Variants in VPS54 observed in about 807,000 individuals in gnomAD.
VPS54 encodes the protein VPS54 subunit of GARP complex.
A neutral mutation model predicts 121.5 loss-of-function variants in VPS54; 45 were observed. That is an observed-to-expected ratio of 0.37 (90% CI 0.29 to 0.47). VPS54 has a LOEUF of 0.47. VPS54 is among the 20% of genes least tolerant of loss of function. VPS54 has a pLI of 0.99. For missense variants in VPS54, 1,090 were observed against 1,131.4 expected (o/e 0.96, Z 0.52); for synonymous variants, 371 against 385.8 (o/e 0.96, Z 0.45).
intron 9 of VPS54, among the ~76,000 whole-genome samples, chr2:63,945,782 C>T (rs1674951871): frequency 6.6e-6 from 1 of 152,048 alleles, no homozygotes; most frequent in African/African-American, 2.4e-5. Context: ...ATATTAAAAT[C>T]CCAAAAGAAA....
chr2:63,961,954 A>G, intron 7 of VPS54, 104 bp downstream of exon 7: 1 of 1,206,988 alleles, frequency 8.3e-7, no homozygotes, highest in Non-Finnish European at 1.1e-6. Flanking sequence ...AAGAAAAAAT[A>G]TCCATTTAAC....
Position 63,962,165 on chromosome 2 carries a change from A to T in VPS54, c.903T>A (p.Pro301=), listed in dbSNP as rs923498493. 7.4e-6 allele frequency: 12 copies of T among 1,613,844 alleles called. No individual in the cohort carries two copies. In the African/African-American group the frequency reaches 1.3e-4, roughly 18 times the overall value. ...KLMATVHQTQ[P]TVQVLLSTSE... ...AAGTAGATAATAACACCTGTACTGTAGGCTGAGTCTGGTGTACAGTGGCCA... is the reference window on the plus strand; with the variant it reads ...AAGTAGATAATAACACCTGTACTGTTGGCTGAGTCTGGTGTACAGTGGCCA... Residue 301 remains proline, a synonymous_variant, in exon 7 of 23, where the codon CCT becomes CCA. Transcript: ENST00000272322.
intron 17 of VPS54, 54 bp downstream of exon 17, chr2:63,914,128 T>C: frequency 7.4e-7 from 1 of 1,344,966 alleles, no homozygotes; most frequent in Non-Finnish European, 1.1e-6. Context: ...AGTCACACCC[T>C]AATGTATTAA....
intron 20 of VPS54, among the ~76,000 whole-genome samples, chr2:63,903,344 C>T (rs1672768892): frequency 6.6e-6 from 1 of 152,066 alleles, no homozygotes; most frequent in Admixed American, 6.5e-5. Flanking sequence ...CAGGCTTTTT[C>T]AAACAAAAAC....
intron 1 of VPS54, among the ~76,000 whole-genome samples, chr2:63,991,990 C>G (rs1677343122): frequency 6.6e-6 from 1 of 152,182 alleles, no homozygotes; most frequent in African/African-American, 2.4e-5. Context: ...GTCACTGGCC[C>G]TTTACCTCAA....
chr2:63,899,444 A>G (rs780067700), intron 21 of VPS54, 30 bp downstream of exon 21: 4 of 1,584,916 alleles, frequency 2.5e-6, no homozygotes, highest in Non-Finnish European at 3.5e-6. Context: ...TGTTATATAT[A>G]CATGAATAGT....
intron 12 of VPS54, among the ~76,000 whole-genome samples, chr2:63,922,469 A>G (rs1157388551): frequency 6.6e-5 from 10 of 152,224 alleles, no homozygotes; most frequent in Non-Finnish European, 1.2e-4. Context: ...AATATCACCA[A>G]ATTTGTTTAC....
In VPS54 at chr2:63,965,856, G is replaced by A; in HGVS notation, c.603C>T (p.Ser201=). The A allele has an allele frequency of 6.2e-7, 1 of 1,611,540 alleles. No homozygotes were observed. The highest frequency in any genetic ancestry group is 8.5e-7 in the Non-Finnish European group (1 of 1,179,384). ...TTACCTTTTCTTGAAGCAACTTTGA[G>A]GAAGCTGCATCACGATTTCCTTTTC... is the stretch of plus-strand genomic sequence containing the variant. ...AGGKGNRDAA[S]SKLLQEKLSH... Residue 201 remains serine (S), a synonymous_variant, in exon 6 of 23, where the codon TCC becomes TCT. Transcript: ENST00000272322.
intron 1 of VPS54, among the ~76,000 whole-genome samples, chr2:64,013,546 G>GAT (rs201322415): frequency 0.077 from 11,222 of 145,440 alleles, 956 homozygotes; most frequent in African/African-American, 0.21. Context: ...AGTAAATGCT[G>GAT]ATATATATAT....
chr2:63,981,556 A>T, intron 3 of VPS54, 90 bp downstream of exon 3: 1 of 1,413,020 alleles, frequency 7.1e-7, no homozygotes, highest in South Asian at 1.5e-5. Flanking sequence ...GGTTCATCAA[A>T]CATTACTGGT....
At chr2:63,992,169 C>G (rs946459214) in intron 1 of VPS54, among the ~76,000 whole-genome samples, 2 of 152,180 alleles carry the variant, frequency 1.3e-5, no homozygotes, top group South Asian at 4.1e-4. Context: ...GCTTTTACTA[C>G]TTAATATTGT....
chr2:63,913,165 A>C (rs1673227853), intron 18 of VPS54, 58 bp downstream of exon 18: 1 of 1,346,414 alleles, frequency 7.4e-7, no homozygotes, highest in South Asian at 1.4e-5. Flanking sequence ...AAACATGATG[A>C]GAACAGTGAC....
chr2:63,942,398 A>G (rs1404438022), intron 11 of VPS54, 67 bp downstream of exon 11: 3 of 1,086,852 alleles, frequency 2.8e-6, no homozygotes, highest in Non-Finnish European at 3.8e-6. Flanking sequence ...CTTTATTTAC[A>G]TATTATGTAT....
At chr2:63,991,598 A>C (rs926547412) in intron 1 of VPS54, among the ~76,000 whole-genome samples, 3 of 152,214 alleles carry the variant, frequency 2.0e-5, no homozygotes, top group African/African-American at 7.2e-5. Flanking sequence ...CGGCTCAACA[A>C]ACATGGCCAA....
chr2:63,931,991 C>T (rs573969484), intron 12 of VPS54, among the ~76,000 whole-genome samples: 170 of 152,100 alleles, frequency 1.1e-3, no homozygotes, highest in Middle Eastern at 0.01. Flanking sequence ...GCGATCACTA[C>T]AAAATCAGGA....
intron 12 of VPS54, among the ~76,000 whole-genome samples, chr2:63,923,810 G>A (rs1375777669): frequency 6.6e-6 from 1 of 152,130 alleles, no homozygotes; most frequent in Non-Finnish European, 1.5e-5. Context: ...AAGAAAATAG[G>A]GAAAATCTAC....
chr2:64,000,555 G>C (rs369941551), intron 1 of VPS54, among the ~76,000 whole-genome samples: 11 of 152,326 alleles, frequency 7.2e-5, no homozygotes, highest in African/African-American at 2.2e-4. Context: ...TACTCTAATG[G>C]ATTTGGGTGT....
chr2:63,905,802 T>A (rs1362041675), intron 20 of VPS54, among the ~76,000 whole-genome samples: 1 of 152,172 alleles, frequency 6.6e-6, no homozygotes, highest in Non-Finnish European at 1.5e-5. Flanking sequence ...TAAGTAGGTT[T>A]ATCCTATGAA....
rs565512651 is a variant in VPS54, at chr2:63,971,276, C to T, written c.457+890G>A. Among the ~76,000 whole-genome samples, 26 of 152,326 alleles carry T rather than the reference C, an allele frequency of 1.7e-4. No homozygotes were observed. In the South Asian group the frequency reaches 4.8e-3, roughly 28 times the overall value. On this transcript the variant is annotated intron_variant, in intron 4 of 22. Transcript: ENST00000272322. ...GTAGCCTCCAACTGTCTCCTTGCCT[C>T]TAGTCTAATCATCATCCCATAATTC...
Sources: allele counts gnomAD v4.1 joint callset (sites outside exome capture counted in the v4.1 genomes callset), GRCh38; gene constraint gnomAD v4.1.1; transcripts MANE v1.5; gene names NCBI Gene and HGNC (gene_info 2026-07-23, HGNC 2026-07-21).